ST8SIA2: variants seen among roughly 807,000 people sequenced by gnomAD.
ST8SIA2 encodes ST8 alpha-N-acetyl-neuraminide alpha-2,8-sialyltransferase 2, also known as alpha-2,8-sialyltransferase 8B.
In ST8SIA2, 22 loss-of-function variants were observed where a neutral mutation model predicts 37.6. That is an observed-to-expected ratio of 0.58 (90% CI 0.42 to 0.83). ST8SIA2 has a LOEUF of 0.83. Ranked by LOEUF, ST8SIA2 falls within the 40% of genes least tolerant of loss-of-function variation. The pLI, the probability that ST8SIA2 is intolerant of heterozygous loss-of-function variation, is 0.00. For missense variants in ST8SIA2, 382 were observed against 484.7 expected (o/e 0.79, Z 1.99); for synonymous variants, 205 against 201.2 (o/e 1.02, Z -0.16).
chr15:92,408,813 CT>C (rs757452689), intron 1 of ST8SIA2, among the ~76,000 whole-genome samples: 3 of 152,048 alleles, frequency 2.0e-5, no homozygotes, highest in Non-Finnish European at 4.4e-5. Context: ...TCAAGCAATT[CT>C]CCTGCCTCAG....
At chr15:92,421,769 T>C (rs1052671715) in intron 1 of ST8SIA2, among the ~76,000 whole-genome samples, 1 of 152,228 alleles carries the variant, frequency 6.6e-6, no homozygotes, top group Non-Finnish European at 1.5e-5. Context: ...AGGTATCACA[T>C]TCTGGTGTGT....
intron 1 of ST8SIA2, among the ~76,000 whole-genome samples, chr15:92,409,295 G>C (rs909505633): frequency 5.9e-5 from 9 of 152,172 alleles, no homozygotes; most frequent in Admixed American, 3.9e-4. Flanking sequence ...ATCAATGCTG[G>C]TCTGGCTGGC....
chr15:92,441,081 G>T (rs1407100009), intron 4 of ST8SIA2, among the ~76,000 whole-genome samples: 1 of 152,186 alleles, frequency 6.6e-6, no homozygotes, highest in Non-Finnish European at 1.5e-5. Context: ...TCCTGATGGA[G>T]GTTTCTGTCT....
chr15:92,422,880 C>G (rs1049211804), intron 1 of ST8SIA2: 2 of 152,340 alleles, frequency 1.3e-5, no homozygotes, highest in African/African-American at 4.8e-5. Context: ...GCTCAAGACT[C>G]TAGACACTAC....
At position 92,444,800 on chromosome 15, in the gene ST8SIA2, T is replaced by C; in HGVS notation, c.713T>C (p.Leu238Pro). The C allele has an allele frequency of 6.2e-7, 1 of 1,614,142 alleles. No homozygotes were observed. Among genetic ancestry groups the C allele is most frequent in the Non-Finnish European group, 8.5e-7 (1 of 1,180,036 alleles). Residue 238 changes from leucine (L) to proline (P), a missense_variant, in exon 5 of 6, where the codon CTG (leucine) becomes CCG (proline). Physicochemically the swap from Leu to Pro is moderately conservative, Grantham distance 98 (BLOSUM62 -3). Transcript: ENST00000268164. ...QRLHSLNGSI[L>P]WIPAFMARGG... The stretch of plus-strand genomic sequence containing the variant: ...CTGCACAGCCTCAATGGCAGCATCC[T>C]GTGGATCCCTGCCTTCATGGCCCGG...
At chr15:92,456,166 G>A (rs1567224876) in intron 5 of ST8SIA2, among the ~76,000 whole-genome samples, 1 of 152,252 alleles carries the variant, frequency 6.6e-6, no homozygotes, top group East Asian at 1.9e-4. Context: ...ACCACTCCTG[G>A]CGGGGCCCGC....
intron 1 of ST8SIA2, among the ~76,000 whole-genome samples, chr15:92,416,907 C>T (rs17521544): frequency 0.015 from 2,337 of 152,336 alleles, 35 homozygotes; most frequent in Middle Eastern, 0.041. Context: ...CACGCTAGCA[C>T]GCTCCACTTT....
intron 3 of ST8SIA2, among the ~76,000 whole-genome samples, chr15:92,437,388 G>C: frequency 6.6e-6 from 1 of 152,300 alleles, no homozygotes. Context: ...AAGGCTAAGA[G>C]GACACCCATC....
intron 3 of ST8SIA2, among the ~76,000 whole-genome samples, chr15:92,437,314 G>T (rs17521726): frequency 0.45 from 67,794 of 151,928 alleles, 15,935 homozygotes; most frequent in East Asian, 0.68. Context: ...TAAGTAAAAC[G>T]CCCAGCTAGG....
intron 1 of ST8SIA2, among the ~76,000 whole-genome samples, chr15:92,421,544 A>G (rs2049634141): frequency 6.6e-6 from 1 of 152,250 alleles, no homozygotes; most frequent in Middle Eastern, 3.2e-3. Context: ...CAATGAACCC[A>G]TGAAGTAGAT....
rs373118061 is a variant in ST8SIA2, at chr15:92,438,616, A to C, written c.548+6A>C. 459 of 1,601,060 alleles carry C rather than the reference A, an allele frequency of 2.9e-4. 1 individual carries two copies. Among genetic ancestry groups the C allele is most frequent in the Non-Finnish European group, 3.8e-4 (445 of 1,173,078 alleles). ...GCCCACAGCTTCGTCATCAGGTAAC[A>C]TGCCCCAGCAGGCACTCTGGGGCCA... On this transcript the variant is annotated splice_donor_region_variant and intron_variant, in intron 4 of 5. Coordinates refer to ENST00000268164, the MANE Select transcript of ST8SIA2 (RefSeq NM_006011.4).
chr15:92,421,447 AAAG>A (rs1780092860), intron 1 of ST8SIA2: 1 of 152,238 alleles, frequency 6.6e-6, no homozygotes, highest in Non-Finnish European at 1.5e-5. Context: ...GAAAAATTCA[AAAG>A]AAGAATAACA....
At chr15:92,464,043 A>G in intron 5 of ST8SIA2, 57 bp from the exon 6 acceptor site, 1 of 1,510,676 alleles carries the variant, frequency 6.6e-7, no homozygotes, top group Non-Finnish European at 8.8e-7. Flanking sequence ...CTTCCTGGAA[A>G]GGATGACTCA....
chr15:92,394,290 C>G, intron 1 of ST8SIA2, 128 bp downstream of exon 1: 1 of 887,736 alleles, frequency 1.1e-6, no homozygotes, highest in Admixed American at 2.1e-5. Flanking sequence ...GAGATGGGGA[C>G]GGTTTGGCAG....
chr15:92,455,089 G>A (rs1451015325), intron 5 of ST8SIA2, among the ~76,000 whole-genome samples: 6 of 152,124 alleles, frequency 3.9e-5, no homozygotes. Context: ...GAGGGCCCAA[G>A]GTGAGAGAAG....
chr15:92,397,401 T>C (rs191758380), intron 1 of ST8SIA2, among the ~76,000 whole-genome samples: 1 of 152,312 alleles, frequency 6.6e-6, no homozygotes, highest in East Asian at 1.9e-4. Flanking sequence ...ACATCTCTTT[T>C]CCTTAGTGAT....
chr15:92,460,012 A>G (rs894857358), intron 5 of ST8SIA2, among the ~76,000 whole-genome samples: 8 of 152,080 alleles, frequency 5.3e-5, no homozygotes, highest in African/African-American at 1.9e-4. Context: ...ACCATTCCCC[A>G]CTGCCTTCAC....
intron 1 of ST8SIA2, among the ~76,000 whole-genome samples, chr15:92,410,417 A>G (rs568919397): frequency 2.6e-5 from 4 of 152,304 alleles, no homozygotes; most frequent in Admixed American, 1.3e-4. Context: ...TCACATCTCA[A>G]TGGAACGTCC....
At chr15:92,441,092 C>T (rs1386182128) in intron 4 of ST8SIA2, among the ~76,000 whole-genome samples, 2 of 152,214 alleles carry the variant, frequency 1.3e-5, no homozygotes, top group African/African-American at 2.4e-5. Flanking sequence ...GTTTCTGTCT[C>T]TGCCAATCCA....
Sources: allele counts gnomAD v4.1 joint callset (sites outside exome capture counted in the v4.1 genomes callset), GRCh38; gene constraint gnomAD v4.1.1; transcripts MANE v1.5; gene names NCBI Gene and HGNC (gene_info 2026-07-23, HGNC 2026-07-21).